Variants in ZNF334 observed in about 807,000 individuals in gnomAD.
The protein encoded by ZNF334 is zinc finger protein 334.
In ZNF334, 14 loss-of-function variants were observed where a neutral mutation model predicts 12.4. That is an observed-to-expected ratio of 1.13 (90% CI 0.74 to 1.76). The LOEUF is 1.76. Among genes scored for constraint, ZNF334 ranks in the 40% most tolerant of loss-of-function variants. ZNF334 has a pLI of 0.00. For synonymous variants in ZNF334, 273 were observed against 269.6 expected (o/e 1.01, Z -0.12); for missense variants, 797 against 804.5 (o/e 0.99, Z 0.11).
the ZNF334 span, chr20:46,464,271 T>C: frequency 1.8e-6 from 1 of 553,144 alleles, no homozygotes; most frequent in East Asian, 4.7e-5. Flanking sequence ...TCTGCTTCTC[T>C]TCTTTCTCCC....
rs752238382 is a variant in ZNF334 at position 46,512,140 on chromosome 20, G to A, written c.-38C>T. On this transcript the variant is annotated splice_region_variant and 5_prime_UTR_variant, in exon 2 of 5. Coordinates refer to ENST00000692313, the MANE Select transcript of ZNF334 (RefSeq NM_001353824.2). ...AAGGGCCAAGAGTGTTGAAAGCAGA[G>A]CTGGGTAAGGAAGAATGGCGAATGG... The A allele has an allele frequency of 6.2e-6, 10 of 1,612,946 alleles. No individual in the cohort carries two copies. The East Asian group carries it at 6.7e-5, about 11-fold the overall frequency.
Position 46,502,140 on chromosome 20 carries a change from G to A in ZNF334, c.1199C>T (p.Thr400Ile), listed in dbSNP as rs2061213303. The change falls in exon 5 of 5, where the codon ACA (threonine) becomes ATA (isoleucine). Residue 400 changes from threonine to isoleucine, a missense_variant. Transcript: ENST00000692313. ...SALTAHQRIH[T>I]GEKPYECSEC... ...ACTACATTCATAGGGTTTTTCCCCT[G>A]TGTGAATTCTCTGATGCGCAGTAAG... 1 of 1,614,010 alleles carries A rather than the reference G, an allele frequency of 6.2e-7. No individual in the cohort carries two copies.
chr20:46,494,723 C>A (rs2145919882), downstream of ZNF334, among the ~76,000 whole-genome samples: 1 of 152,280 alleles, frequency 6.6e-6, no homozygotes, highest in South Asian at 2.1e-4. Flanking sequence ...CGAAGACTTT[C>A]CAACACAGCT....
At chr20:46,476,137 A>G in the ZNF334 span, 1 of 152,194 alleles carries the variant, frequency 6.6e-6, no homozygotes, top group Admixed American at 6.5e-5. Flanking sequence ...TTGATGATAA[A>G]AACCAATCCC....
At chr20:46,511,871 G>A (rs1243551815) in intron 2 of ZNF334, among the ~76,000 whole-genome samples, 1 of 152,140 alleles carries the variant, frequency 6.6e-6, no homozygotes, top group Non-Finnish European at 1.5e-5. Context: ...TCCAGTGTAA[G>A]GGCTATCTCA....
chr20:46,504,152 C>T (rs2061347490), intron 4 of ZNF334, 62 bp downstream of exon 4: 3 of 1,179,932 alleles, frequency 2.5e-6, no homozygotes, highest in Non-Finnish European at 3.6e-6. Flanking sequence ...CAACTATTAC[C>T]ACCGACCACC....
At chr20:46,511,979 TTC>T in intron 2 of ZNF334, 101 bp downstream of exon 2, 1 of 1,159,816 alleles carries the variant, frequency 8.6e-7, no homozygotes, top group Middle Eastern at 1.9e-4. Flanking sequence ...TCGAATACTC[TTC>T]TCTGATGCTG....
At chr20:46,464,935 T>C in the ZNF334 span, 2 of 500,358 alleles carry the variant, frequency 4.0e-6, no homozygotes, top group Admixed American at 2.1e-5. Context: ...TAGTTAGATC[T>C]GTAGCAGTTG....
At position 46,502,985 on chromosome 20, in the gene ZNF334, T is replaced by C. The variant is rs756509076; in HGVS notation, c.354A>G (p.Lys118=). 1.9e-6 allele frequency: 3 copies of C among 1,614,066 alleles called. No homozygotes were observed. The highest frequency in any genetic ancestry group is 2.7e-5 in the African/African-American group (2 of 75,066). ...LITERENVFG[K]TLNLGMNSVP... is the part of the protein sequence containing the mutation. ...CACTATTCATGCCCAGATTAAGTGT[T>C]TTCCCAAATACATTCTCTCTTTCTG... is the stretch of plus-strand genomic sequence containing the variant. Residue 118 remains lysine, a synonymous_variant, in exon 5 of 5, where the codon AAA becomes AAG. Transcript: ENST00000692313.
At chr20:46,484,641 G>A in the ZNF334 span, 2 of 167,350 alleles carry the variant, frequency 1.2e-5, no homozygotes, top group South Asian at 2.1e-4. Context: ...TTCTCCTTCT[G>A]TGCAAATATC....
At chr20:46,504,137 G>T (rs1306543540) in intron 4 of ZNF334, 77 bp downstream of exon 4, 2 of 980,708 alleles carry the variant, frequency 2.0e-6, no homozygotes, top group Non-Finnish European at 3.0e-6. Context: ...AAAACATTAC[G>T]ATGCCAACTA....
chr20:46,486,837 T>G, the ZNF334 span, among the ~76,000 whole-genome samples: 1 of 152,182 alleles, frequency 6.6e-6, no homozygotes, highest in Non-Finnish European at 1.5e-5. Context: ...GTTGGCTCCA[T>G]TTTGGTAGTT....
chr20:46,512,061 G>T (rs2061671268), intron 2 of ZNF334, 21 bp downstream of exon 2: 2 of 1,612,742 alleles, frequency 1.2e-6, no homozygotes, highest in Admixed American at 3.3e-5. Flanking sequence ...AATGTGAGAA[G>T]TAAATCCCTG....
chr20:46,487,566 C>G, the ZNF334 span, among the ~76,000 whole-genome samples: 58 of 152,228 alleles, frequency 3.8e-4, no homozygotes, highest in Non-Finnish European at 7.1e-4. Context: ...TATTCTTTCA[C>G]TGATAATCTT....
chr20:46,475,814 A>G, the ZNF334 span, among the ~76,000 whole-genome samples: 1 of 152,206 alleles, frequency 6.6e-6, no homozygotes, highest in Non-Finnish European at 1.5e-5. Flanking sequence ...GATCACTCAT[A>G]CATTGCTGGT....
At chr20:46,508,370 AAAG>A (rs2061514062) in intron 2 of ZNF334, among the ~76,000 whole-genome samples, 1 of 152,238 alleles carries the variant, frequency 6.6e-6, no homozygotes, top group South Asian at 2.1e-4. Context: ...CATGTAATGC[AAAG>A]AAGAGGGCCA....
chr20:46,478,980 C>T, the ZNF334 span, among the ~76,000 whole-genome samples: 3 of 152,172 alleles, frequency 2.0e-5, no homozygotes, highest in African/African-American at 7.2e-5. Flanking sequence ...CTGTGCTCAC[C>T]TCACCCCATC....
At chr20:46,505,347 A>G (rs531961171) in intron 2 of ZNF334, 2 of 152,526 alleles carry the variant, frequency 1.3e-5, no homozygotes, top group South Asian at 4.1e-4. Context: ...GCACATCAGT[A>G]AAACATTCTT....
At chr20:46,509,718 T>C in intron 2 of ZNF334, 2 of 701,856 alleles carry the variant, frequency 2.8e-6, no homozygotes, top group South Asian at 3.0e-5. Context: ...AGGAAGCTGG[T>C]ACCACACCTC....
Sources: gnomAD v4.1 joint callset for allele counts (sites outside exome capture counted in the v4.1 genomes callset) on GRCh38, gnomAD v4.1.1 for gene constraint, MANE v1.5 for transcripts, NCBI Gene and HGNC (gene_info 2026-07-23, HGNC 2026-07-21) for gene names.